Variants in KY observed in about 807,000 individuals in gnomAD.
KY encodes the protein kyphoscoliosis peptidase.
In KY, 43 loss-of-function variants were observed where a neutral mutation model predicts 76.1. The observed-to-expected ratio is 0.57, with a 90% CI of 0.44 to 0.73. The LOEUF (loss-of-function observed/expected upper bound fraction) is 0.73. Among genes scored for constraint, KY ranks in the 30% least tolerant of loss-of-function variants. KY has a pLI of 0.00. For missense variants in KY, 722 were observed against 828.9 expected, an observed-to-expected ratio of 0.87 and a Z score of 1.58; for synonymous variants, 277 against 326.2, an observed-to-expected ratio of 0.85 and a Z score of 1.63.
At chr3:134,612,693 C>CGATGTGAACTGACAACAG (rs1432686767) in intron 8 of KY, among the ~76,000 whole-genome samples, 1 of 151,244 alleles carries the variant, frequency 6.6e-6, no homozygotes, top group Non-Finnish European at 1.5e-5. Flanking sequence ...GCCCCTGACA[C>CGATGTGAACTGACAACAG]GATGTGAACT....
In KY at chr3:134,643,446, T is replaced by C. The variant is rs1408014158; in HGVS notation, c.200-68A>G. On this transcript the variant is annotated intron_variant, in intron 2 of 10. Transcript: ENST00000423778. ...ATTTTCCCCAGGCAGAGCAAAGAGC[T>C]GTATGTGTTTGCGGGAAAGGTGGGC... 3 of 1,389,368 alleles carry C rather than the reference T, an allele frequency of 2.2e-6. No homozygotes were observed. The Admixed American group carries it at 5.3e-5, about 25-fold the overall frequency. 86.1% of individuals were successfully genotyped at this position (1,389,368 alleles called of 1,614,324 possible).
Position 134,610,257 on chromosome 3 carries a change from G to A in KY, c.837C>T (p.His279=). Residue 279 remains histidine (H), a synonymous_variant, in exon 9 of 11, where the codon CAC becomes CAT. Coordinates refer to ENST00000423778, the MANE Select transcript of KY (RefSeq NM_178554.6). ...CGCTGCCCCAGGTGCTGTCCACCAGGTGCCATCTTCCCTCCAGGTACACAG... is the reference window on the plus strand; with the variant it reads ...CGCTGCCCCAGGTGCTGTCCACCAGATGCCATCTTCCCTCCAGGTACACAG... ...WNAVYLEGRW[H]LVDSTWGSGL... The A allele has an allele frequency of 6.2e-7, 1 of 1,613,960 alleles. No individual in the cohort carries two copies. The highest frequency in any genetic ancestry group is 8.5e-7 in the Non-Finnish European group (1 of 1,179,890).
At position 134,608,728 on chromosome 3, in the gene KY, C is replaced by T. The variant is rs1479116498; in HGVS notation, c.1011G>A (p.Glu337=). ...LKPPQSLRQF[E]NNMYHKSEFY... ...ATTCACTCTTGTGATACATGTTGTT[C>T]TCAAACTGCCTCAGAGATTGAGGAG... Residue 337 remains glutamate (E), a synonymous_variant, in exon 10 of 11, where the codon GAG becomes GAA. Transcript: ENST00000423778. 1 of 1,614,046 alleles carries T rather than the reference C, an allele frequency of 6.2e-7. No homozygotes were observed. Among genetic ancestry groups the T allele is most frequent in the East Asian group, 2.2e-5 (1 of 44,890 alleles).
rs537542553 is a variant in KY, at chr3:134,625,025, C to G, written c.483+28G>C. The G allele has an allele frequency of 5.2e-5, 81 of 1,566,294 alleles. 1 individual carries two copies. The highest frequency in any genetic ancestry group is 6.8e-5 in the Non-Finnish European group (78 of 1,153,352). On this transcript the variant is annotated intron_variant, in intron 6 of 10. Coordinates refer to ENST00000423778, the MANE Select transcript of KY (RefSeq NM_178554.6). ...GAACTCTAAGCCACCTTGAAGGGGC[C>G]CATGGTCAGAGCGGCCAGCTGTCCT...
At chr3:134,607,477 A>C (rs1406698532) in intron 10 of KY, 2 of 985,512 alleles carry the variant, frequency 2.0e-6, no homozygotes, top group Non-Finnish European at 1.2e-6. Flanking sequence ...TCCTGGGCGG[A>C]TGGAGGCCCC....
intron 5 of KY, among the ~76,000 whole-genome samples, chr3:134,625,374 C>T (rs1963293915): frequency 6.6e-6 from 1 of 152,220 alleles, no homozygotes; most frequent in African/African-American, 2.4e-5. Context: ...GGAACATACG[C>T]CTATTGTAGA....
rs116822034 is a variant in KY at position 134,622,265 on chromosome 3, A to G, written c.484-1408T>C. On this transcript the variant is annotated intron_variant, in intron 6 of 10. Coordinates refer to ENST00000423778, the MANE Select transcript of KY (RefSeq NM_178554.6). ...ACTCAAACAGACATTTGTTTCCCCAATGTTCATTGCAGCACTATCCACAAT... is the reference window on the plus strand; with the variant it reads ...ACTCAAACAGACATTTGTTTCCCCAGTGTTCATTGCAGCACTATCCACAAT... Among the ~76,000 whole-genome samples the G allele has an allele frequency of 8.8e-3, 1,337 of 152,332 alleles. 14 individuals are homozygous for G. Among genetic ancestry groups the G allele is most frequent in the Non-Finnish European group, 0.014 (961 of 68,024 alleles).
chr3:134,641,252 G>C (rs951842561), intron 3 of KY: 2 of 152,186 alleles, frequency 1.3e-5, no homozygotes, highest in African/African-American at 4.8e-5. Context: ...GGCCTTTAGA[G>C]ATATCCATGC....
In KY at chr3:134,635,702, C is replaced by T. The variant is rs560132917; in HGVS notation, c.263-6007G>A. ...ATGCATGTGTTAGCAATCAGAACTA[C>T]ACACTACAAACATTCGATTTTACTG... On this transcript the variant is annotated intron_variant, in intron 3 of 10. Coordinates refer to ENST00000423778, the MANE Select transcript of KY (RefSeq NM_178554.6). Among the ~76,000 whole-genome samples the T allele has an allele frequency of 3.9e-5, 6 of 152,108 alleles. No homozygotes were observed. The South Asian group carries it at 1.2e-3, about 32-fold the overall frequency.
In KY at chr3:134,608,226, C is replaced by G; in HGVS notation, c.1090+423G>C. ...CAGGCCAGTAGCTTCTGTTGGGGAC[C>G]TGAGCCCAGAGGCTATGTGTAGCCA... On this transcript the variant is annotated intron_variant, in intron 10 of 10. Coordinates refer to ENST00000423778, the MANE Select transcript of KY (RefSeq NM_178554.6). The G allele has an allele frequency of 2.5e-6, 3 of 1,187,618 alleles. No individual in the cohort carries two copies. In the South Asian group the frequency reaches 4.7e-5, roughly 19 times the overall value. 73.6% of individuals were successfully genotyped at this position (1,187,618 alleles called of 1,614,324 possible).
In KY at chr3:134,650,825, C is replaced by T. The variant is rs1178058598; in HGVS notation, c.136G>A (p.Gly46Arg). 1 of 1,585,112 alleles carries T rather than the reference C, an allele frequency of 6.3e-7. No homozygotes were observed. The highest frequency in any genetic ancestry group is 1.4e-5 in the African/African-American group (1 of 73,394). The stretch of plus-strand genomic sequence containing the variant: ...GGGACCCGGGTCGGGCGCGCGTTAC[C>T]TCCTCCGCGCTGCAGCAGCGAGCTC... Reference protein sequence around the residue: ...NPSSLLQRGGGFQGVGNGVRR... With the variant: ...NPSSLLQRGGRFQGVGNGVRR... The change falls in exon 1 of 11, where the codon GGA becomes AGA. Residue 46 changes from glycine (G) to arginine (R), a missense_variant and splice_region_variant. By Grantham distance (125) the Gly-to-Arg change is moderately radical (BLOSUM62 -2). Coordinates refer to ENST00000423778, the MANE Select transcript of KY (RefSeq NM_178554.6).
At chr3:134,622,862 G>T (rs1002755948) in intron 6 of KY, among the ~76,000 whole-genome samples, 3 of 152,098 alleles carry the variant, frequency 2.0e-5, no homozygotes, top group Admixed American at 6.5e-5. Flanking sequence ...GGGTACTCCA[G>T]GACCTTGTTT....
intron 1 of KY, 143 bp from the exon 2 acceptor site, chr3:134,647,640 C>A: frequency 1.7e-6 from 1 of 583,040 alleles, no homozygotes; most frequent in South Asian, 2.3e-5. Context: ...AATAAGATGC[C>A]CTTGAGGGAA....
At chr3:134,627,502 T>C (rs1963614675) in intron 5 of KY, among the ~76,000 whole-genome samples, 2 of 152,250 alleles carry the variant, frequency 1.3e-5, no homozygotes, top group South Asian at 4.1e-4. Context: ...TTTCCTATAA[T>C]GGTCTGCCTT....
chr3:134,601,243 T>C lies in KY; in HGVS notation c.*2336A>G, dbSNP rs1417145190. On this transcript the variant is annotated 3_prime_UTR_variant, in exon 11 of 11. Coordinates refer to ENST00000423778, the MANE Select transcript of KY (RefSeq NM_178554.6). ...CCTACAGCTGTCTTTACAAAGGGGG[T>C]GCCTAGTTAAACGAGAGGGAGGGGC... 8.1e-6 allele frequency: 1 copy of C among 122,808 alleles called. No individual in the cohort carries two copies. The highest frequency in any genetic ancestry group is 2.9e-5 in the African/African-American group (1 of 34,826). The allele number at this position is 122,808 out of a possible 1,614,324, so 7.6% of individuals were successfully genotyped here.
intron 2 of KY, among the ~76,000 whole-genome samples, chr3:134,646,104 A>T (rs2108028553): frequency 6.6e-6 from 1 of 152,286 alleles, no homozygotes; most frequent in South Asian, 2.1e-4. Context: ...CTTAGCATGC[A>T]TACCTTCCAT....
intron 3 of KY, among the ~76,000 whole-genome samples, chr3:134,639,604 CT>C (rs1230694424): frequency 6.6e-6 from 1 of 152,140 alleles, no homozygotes; most frequent in African/African-American, 2.4e-5. Flanking sequence ...GGGATAAGGG[CT>C]GATGACCTTG....
chr3:134,633,758 A>G (rs1445880679), intron 3 of KY, among the ~76,000 whole-genome samples: 2 of 152,170 alleles, frequency 1.3e-5, no homozygotes, highest in African/African-American at 2.4e-5. Context: ...ACCCTGTGTA[A>G]TAAGACAAGA....
At chr3:134,643,457 G>T in intron 2 of KY, 79 bp from the exon 3 acceptor site, 2 of 1,296,298 alleles carry the variant, frequency 1.5e-6, no homozygotes, top group Non-Finnish European at 2.2e-6. Context: ...GTATGTGTTT[G>T]CGGGAAAGGT....
Sources: allele counts gnomAD v4.1 joint callset (sites outside exome capture counted in the v4.1 genomes callset), GRCh38; gene constraint gnomAD v4.1.1; transcripts MANE v1.5; gene names NCBI Gene and HGNC (gene_info 2026-07-23, HGNC 2026-07-21).